EGLN3: variants seen among roughly 807,000 people sequenced by gnomAD.
The protein encoded by EGLN3 is egl-9 family hypoxia inducible factor 3.
A neutral mutation model predicts 26.0 loss-of-function variants in EGLN3; 15 were observed. The ratio of observed to expected loss-of-function variants is 0.58; its 90% CI spans 0.39 to 0.89. The LOEUF (loss-of-function observed/expected upper bound fraction) is 0.89, where lower values mean the gene tolerates loss of function less well. EGLN3 is among the 40% of genes least tolerant of loss of function. The pLI is 0.00. For missense variants in EGLN3, 238 were observed against 311.6 expected, an observed-to-expected ratio of 0.76 and a Z score of 1.78; for synonymous variants, 147 against 127.2, an observed-to-expected ratio of 1.16 and a Z score of -1.05.
intron 1 of EGLN3, among the ~76,000 whole-genome samples, chr14:33,934,272 T>C (rs2064424486): frequency 6.6e-6 from 1 of 152,070 alleles, no homozygotes; most frequent in Non-Finnish European, 1.5e-5. Flanking sequence ...CCAGGCTGGC[T>C]CTAGACCAGA....
At chr14:33,947,302 C>G (rs2064524779) in intron 1 of EGLN3, among the ~76,000 whole-genome samples, 1 of 152,060 alleles carries the variant, frequency 6.6e-6, no homozygotes, top group Non-Finnish European at 1.5e-5. Flanking sequence ...TTAGGGGGGG[C>G]CATACAGCTG....
In EGLN3 at chr14:33,928,979, A is replaced by C. The variant is rs141684017; in HGVS notation, c.614+97T>G. 5,235 of 1,432,466 alleles carry C rather than the reference A, an allele frequency of 3.7e-3. 72 individuals carry two copies. Among genetic ancestry groups the C allele is most frequent in the Non-Finnish European group, 2.5e-3 (2,660 of 1,055,288 alleles). 88.7% of individuals were successfully genotyped at this position (1,432,466 alleles called of 1,614,324 possible). A position where few individuals can be genotyped will look rare whatever the true frequency, so the allele number is the denominator to read the frequency against. On this transcript the variant is annotated intron_variant, in intron 3 of 4. Coordinates refer to ENST00000250457, the MANE Select transcript of EGLN3 (RefSeq NM_022073.4). ...TTGCTATCAGCTATGGGGTGTGGTCAATCCCCCACATGCACAGGACACACG... is the reference window on the plus strand; with the variant it reads ...TTGCTATCAGCTATGGGGTGTGGTCCATCCCCCACATGCACAGGACACACG...
intron 1 of EGLN3, among the ~76,000 whole-genome samples, chr14:33,933,437 A>T (rs561500004): frequency 6.6e-6 from 1 of 152,298 alleles, no homozygotes; most frequent in East Asian, 1.9e-4. Context: ...AAACCCCTAC[A>T]TGTCAGCAAA....
intron 1 of EGLN3, among the ~76,000 whole-genome samples, chr14:33,942,227 C>T (rs1304892745): frequency 6.6e-6 from 1 of 151,318 alleles, no homozygotes; most frequent in Admixed American, 6.6e-5. Context: ...CTTCCCCCCT[C>T]AAGGATTTTT....
intron 1 of EGLN3, among the ~76,000 whole-genome samples, chr14:33,938,554 G>C (rs1240927314): frequency 6.6e-6 from 1 of 152,140 alleles, no homozygotes; most frequent in African/African-American, 2.4e-5. Flanking sequence ...GCCTGAGCTG[G>C]GAACGGACAC....
intron 1 of EGLN3, among the ~76,000 whole-genome samples, chr14:33,942,896 T>A (rs1423335387): frequency 2.0e-5 from 3 of 152,174 alleles, no homozygotes; most frequent in Non-Finnish European, 4.4e-5. Flanking sequence ...GTATTGACAC[T>A]GTACTGAACA....
intron 1 of EGLN3, chr14:33,950,136 T>G (rs573153328): frequency 1.7e-6 from 1 of 594,862 alleles, no homozygotes; most frequent in South Asian, 2.1e-5. Flanking sequence ...CTTGTCTGGC[T>G]TTTGTCACCC....
chr14:33,946,632 C>T (rs1012133130), intron 1 of EGLN3, among the ~76,000 whole-genome samples: 1 of 152,076 alleles, frequency 6.6e-6, no homozygotes. Flanking sequence ...AATGAAAGGT[C>T]GGAAGTAGGA....
At chr14:33,938,630 T>C (rs1338008527) in intron 1 of EGLN3, among the ~76,000 whole-genome samples, 1 of 152,222 alleles carries the variant, frequency 6.6e-6, no homozygotes, top group Non-Finnish European at 1.5e-5. Flanking sequence ...CCGGGCTTCC[T>C]CACAATTATA....
At chr14:33,938,855 A>G (rs2064460751) in intron 1 of EGLN3, among the ~76,000 whole-genome samples, 1 of 152,236 alleles carries the variant, frequency 6.6e-6, no homozygotes, top group African/African-American at 2.4e-5. Flanking sequence ...AGTCCTTGGT[A>G]GAAGTCATTA....
At chr14:33,932,121 T>A (rs2064409220) in intron 1 of EGLN3, among the ~76,000 whole-genome samples, 1 of 152,226 alleles carries the variant, frequency 6.6e-6, no homozygotes. Flanking sequence ...TTTATAGGGA[T>A]GCAGTAGGTG....
chr14:33,941,064 A>G (rs2064479718), intron 1 of EGLN3, among the ~76,000 whole-genome samples: 1 of 152,230 alleles, frequency 6.6e-6, no homozygotes, highest in Non-Finnish European at 1.5e-5. Context: ...AGAAGTAGAC[A>G]TACAGTATTA....
At chr14:33,939,208 C>CTT (rs71433637) in intron 1 of EGLN3, among the ~76,000 whole-genome samples, 29,044 of 130,808 alleles carry the variant, frequency 0.22, 2,935 homozygotes, top group East Asian at 0.32. Context: ...AAACAATCAT[C>CTT]TTTTTTTTTT....
At chr14:33,929,018 CTGG>C (rs1276095642) in intron 3 of EGLN3, 55 bp downstream of exon 3, 1 of 1,592,428 alleles carries the variant, frequency 6.3e-7, no homozygotes, top group East Asian at 2.2e-5. Context: ...AAAGAGTTCT[CTGG>C]AACTAGGGTT....
intron 1 of EGLN3, among the ~76,000 whole-genome samples, chr14:33,939,387 T>G (rs991158522): frequency 6.6e-6 from 1 of 152,002 alleles, no homozygotes; most frequent in East Asian, 1.9e-4. Context: ...ATTTTTTGTG[T>G]TTTTAGTAGA....
Position 33,950,847 on chromosome 14 carries a change from C to T in EGLN3, c.-95G>A, listed in dbSNP as rs2064556274. The T allele has an allele frequency of 6.7e-6, 8 of 1,202,914 alleles. No homozygotes were observed. In the East Asian group the frequency reaches 1.6e-4, roughly 25 times the overall value. 74.5% of individuals were successfully genotyped at this position (1,202,914 alleles called of 1,614,324 possible). ...AAGCCGAGGCGCGGGGAGCGTGGCC[C>T]GGGGTTCAGAAACCTGCGGCTGCCA... On this transcript the variant is annotated 5_prime_UTR_variant, in exon 1 of 5. Transcript: ENST00000250457.
intron 2 of EGLN3, among the ~76,000 whole-genome samples, chr14:33,929,757 A>G (rs1307345490): frequency 6.6e-6 from 1 of 152,226 alleles, no homozygotes; most frequent in Admixed American, 6.5e-5. Context: ...CCATGGACGT[A>G]AAATAGAGTA....
At chr14:33,939,767 C>T (rs10139331) in intron 1 of EGLN3, among the ~76,000 whole-genome samples, 3 of 152,108 alleles carry the variant, frequency 2.0e-5, no homozygotes, top group Non-Finnish European at 2.9e-5. Flanking sequence ...TCCATTTTAC[C>T]GATGAGGAAA....
intron 1 of EGLN3, among the ~76,000 whole-genome samples, chr14:33,932,665 G>C (rs2064412909): frequency 6.6e-6 from 1 of 152,062 alleles, no homozygotes; most frequent in Non-Finnish European, 1.5e-5. Context: ...CCCATATCCT[G>C]CCTTTGAACA....
Sources: allele counts gnomAD v4.1 joint callset (sites outside exome capture counted in the v4.1 genomes callset), GRCh38; gene constraint gnomAD v4.1.1; transcripts MANE v1.5; gene names NCBI Gene and HGNC (gene_info 2026-07-23, HGNC 2026-07-21).